Variants in TRPM1 observed in about 807,000 individuals in gnomAD.
The protein encoded by TRPM1 is transient receptor potential cation channel subfamily M member 1.
A neutral mutation model predicts 149.4 loss-of-function variants in TRPM1; 113 were observed. The ratio of observed to expected loss-of-function variants is 0.76; its 90% CI spans 0.65 to 0.88. The LOEUF (loss-of-function observed/expected upper bound fraction) is 0.88, where lower values mean the gene tolerates loss of function less well. TRPM1 is among the 40% of genes least tolerant of loss of function. The pLI is 0.00. For synonymous variants in TRPM1, 741 were observed against 759.5 expected (o/e 0.98, Z 0.40); for missense variants, 1,976 against 2,038.7 (o/e 0.97, Z 0.59).
At chr15:31,089,873 C>T (rs1023403027) in intron 1 of TRPM1, among the ~76,000 whole-genome samples, 3 of 152,162 alleles carry the variant, frequency 2.0e-5, no homozygotes, top group Non-Finnish European at 2.9e-5. Context: ...TGCCATGTGG[C>T]GCACAGGGAA....
intron 1 of TRPM1, among the ~76,000 whole-genome samples, chr15:31,088,827 T>G (rs2035104803): frequency 6.6e-6 from 1 of 151,304 alleles, no homozygotes; most frequent in African/African-American, 2.4e-5. Context: ...GAGGAGGCCT[T>G]TGTACCGGGG....
chr15:31,005,637 C>T lies in TRPM1; in HGVS notation c.3630-2567G>A, dbSNP rs147057533. On this transcript the variant is annotated intron_variant, in intron 27 of 27. Coordinates refer to ENST00000256552, the MANE Select transcript of TRPM1 (RefSeq NM_001252024.2). ...GTTTGGAGCTTGTGAACAGCTACAA[C>T]GTGGATACAGCAAATTTTAAACAGC... is the stretch of plus-strand genomic sequence containing the variant. 1.4e-4 allele frequency among the ~76,000 whole-genome samples: 22 copies of T among 152,256 alleles called. No individual in the cohort carries two copies. In the East Asian group the frequency reaches 3.9e-3, roughly 27 times the overall value.
chr15:31,015,608 C>G (rs766223870), intron 27 of TRPM1, among the ~76,000 whole-genome samples: 2 of 152,114 alleles, frequency 1.3e-5, no homozygotes, highest in Non-Finnish European at 2.9e-5. Flanking sequence ...TCCCATCACA[C>G]TTAAGATAAA....
At chr15:31,096,258 C>A (rs1041613902) in intron 1 of TRPM1, among the ~76,000 whole-genome samples, 7 of 152,028 alleles carry the variant, frequency 4.6e-5, no homozygotes, top group African/African-American at 1.7e-4. Flanking sequence ...TGGGAAAGGG[C>A]CCCATGGTAA....
chr15:31,013,741 GTTGT>G (rs1177419520), intron 27 of TRPM1, among the ~76,000 whole-genome samples: 1 of 152,082 alleles, frequency 6.6e-6, no homozygotes, highest in Non-Finnish European at 1.5e-5. Flanking sequence ...GTTGTTGTTT[GTTGT>G]TTGTTTAGTG....
intron 27 of TRPM1, among the ~76,000 whole-genome samples, chr15:31,018,423 G>C (rs1212743162): frequency 6.6e-6 from 1 of 151,744 alleles, no homozygotes; most frequent in East Asian, 1.9e-4. Context: ...GCCCAGGCTG[G>C]AGTGCAATGG....
At chr15:31,109,457 G>A (rs986554607) in intron 1 of TRPM1, among the ~76,000 whole-genome samples, 24 of 151,866 alleles carry the variant, frequency 1.6e-4, no homozygotes, top group African/African-American at 5.8e-4. Flanking sequence ...AGTACTTTGG[G>A]AGGCCGAGGC....
At chr15:31,130,790 G>T (rs1437262143) in intron 1 of TRPM1, among the ~76,000 whole-genome samples, 1 of 152,046 alleles carries the variant, frequency 6.6e-6, no homozygotes, top group Non-Finnish European at 1.5e-5. Flanking sequence ...TCAATGCTCC[G>T]CACTCCCGGG....
rs1174042777 is a variant in TRPM1 at position 31,113,847 on chromosome 15, C to T, written c.55-36863G>A. Among the ~76,000 whole-genome samples, 8 of 152,148 alleles carry T rather than the reference C, an allele frequency of 5.3e-5. No individual in the cohort carries two copies. In the South Asian group the frequency reaches 1.0e-3, roughly 20 times the overall value. On this transcript the variant is annotated intron_variant, in intron 1 of 26. Coordinates refer to the TRPM1 transcript ENST00000542188. ...TGTGAAGATGTGAACAGCAAAACAA[C>T]GACGCTCCCACACGCTGGAAGGGTA...
chr15:31,081,060 C>T (rs1206856349), intron 2 of TRPM1, among the ~76,000 whole-genome samples: 4 of 152,154 alleles, frequency 2.6e-5, no homozygotes, highest in African/African-American at 4.8e-5. Flanking sequence ...CCCCCTGTCC[C>T]CCCCCTTATC....
At chr15:31,090,847 A>T (rs1408809039) in intron 1 of TRPM1, among the ~76,000 whole-genome samples, 1 of 152,072 alleles carries the variant, frequency 6.6e-6, no homozygotes, top group Non-Finnish European at 1.5e-5. Flanking sequence ...CAGATCCACC[A>T]TTTCTTATCT....
rs746914823 is a variant in TRPM1 at position 31,037,706 on chromosome 15, C to T, written c.2571+5G>A. ...GAATGTCAAATGTTCAGGAGGAGGC[C>T]TCACTGTGTAAAACCAGAACTTGAC... On this transcript the variant is annotated splice_donor_5th_base_variant and intron_variant, in intron 20 of 27. Coordinates refer to ENST00000256552, the MANE Select transcript of TRPM1 (RefSeq NM_001252024.2). The T allele has an allele frequency of 6.2e-7, 1 of 1,614,162 alleles. No homozygotes were observed. Among genetic ancestry groups the T allele is most frequent in the South Asian group, 1.1e-5 (1 of 91,084 alleles).
rs978695806 is a variant in TRPM1 at position 31,066,160 on chromosome 15, T to C, written c.706A>G (p.Asn236Asp). Residue 236 changes from asparagine to aspartate, a missense_variant, in exon 7 of 28, where the codon AAT becomes GAT. Coordinates refer to ENST00000256552, the MANE Select transcript of TRPM1 (RefSeq NM_001252024.2). ...GCGCCATACTTGCCCAGGGTGCCAT[T>C]GTCAGCCAGGATGAAGTGGGTGTGG... ...NSHTHFILAD[N>D]GTLGKYGAEV... is the part of the protein sequence containing the mutation. 1.2e-6 allele frequency: 2 copies of C among 1,614,070 alleles called. No homozygotes were observed. The highest frequency in any genetic ancestry group is 1.7e-6 in the Non-Finnish European group (2 of 1,180,044).
chr15:31,071,998 TATATATATATATATATATATAGAG>T lies in TRPM1; in HGVS notation c.84-1796_84-1773del, dbSNP rs1275583378. Among the ~76,000 whole-genome samples the T allele has an allele frequency of 4.7e-3, 313 of 66,768 alleles. 1 individual carries two copies. Among genetic ancestry groups the T allele is most frequent in the African/African-American group, 9.3e-3 (159 of 17,016 alleles). The allele number at this position is 66,768 out of a possible 152,430, so 43.8% of individuals were successfully genotyped here. ...AAAAAAACATATATATATATATATA[TATATATATATATATATATATAGAG>T]AGAGAGAGAGAGAGAGAGAGAGAGA... On this transcript the variant is annotated intron_variant, in intron 3 of 27. Transcript: ENST00000256552.
Position 31,059,993 on chromosome 15 carries a change from C to G in TRPM1, c.1263+551G>C, listed in dbSNP as rs566659287. Among the ~76,000 whole-genome samples the G allele has an allele frequency of 1.1e-4, 17 of 152,010 alleles. No homozygotes were observed. In the East Asian group the frequency reaches 2.9e-3, roughly 26 times the overall value. ...CATCCCATATCACACACACACAATA[C>G]CCTCCCAATGACACCCACATACACA... On this transcript the variant is annotated intron_variant, in intron 11 of 27. Transcript: ENST00000256552.
At chr15:31,052,715 C>T (rs564822619) in intron 11 of TRPM1, among the ~76,000 whole-genome samples, 1 of 152,286 alleles carries the variant, frequency 6.6e-6, no homozygotes, top group African/African-American at 2.4e-5. Context: ...GAAGAGGTTG[C>T]AGTGAGCTGA....
At chr15:31,128,588 G>A (rs949862266) in intron 1 of TRPM1, among the ~76,000 whole-genome samples, 4 of 152,274 alleles carry the variant, frequency 2.6e-5, no homozygotes, top group South Asian at 4.1e-4. Context: ...AGACGGTGCT[G>A]GATGGGGATG....
At chr15:31,096,877 T>C (rs2141009731) in intron 1 of TRPM1, among the ~76,000 whole-genome samples, 1 of 152,254 alleles carries the variant, frequency 6.6e-6, no homozygotes, top group African/African-American at 2.4e-5. Flanking sequence ...CTCCTGGCCC[T>C]CAGGGACTGT....
At chr15:31,088,496 C>T (rs561318626) in intron 1 of TRPM1, among the ~76,000 whole-genome samples, 151 of 152,290 alleles carry the variant, frequency 9.9e-4, no homozygotes, top group African/African-American at 3.3e-3. Flanking sequence ...ACGAACACAC[C>T]TGGAAAGACG....
Sources: allele counts gnomAD v4.1 joint callset (sites outside exome capture counted in the v4.1 genomes callset), GRCh38; gene constraint gnomAD v4.1.1; transcripts MANE v1.5; gene names NCBI Gene and HGNC (gene_info 2026-07-23, HGNC 2026-07-21).